The following RIN2 variants were observed in gnomAD, a reference collection of about 807,000 sequenced individuals.
RIN2 encodes RAB5 interacting protein 2.
Under a neutral mutation model 78.0 loss-of-function variants are expected in RIN2, and 36 were observed. That is an observed-to-expected ratio of 0.46 (90% confidence interval 0.35 to 0.61). The LOEUF is 0.61. Ranked by LOEUF, RIN2 falls within the 20% of genes least tolerant of loss-of-function variation. The pLI is 0.00. For missense variants in RIN2, 1,087 were observed against 1,159.7 expected (o/e 0.94, Z 0.91); for synonymous variants, 466 against 466.8 (o/e 1.00, Z 0.02).
At chr20:19,819,357 G>A (rs2035864262) in intron 2 of RIN2, among the ~76,000 whole-genome samples, 4 of 152,086 alleles carry the variant, frequency 2.6e-5, no homozygotes, top group African/African-American at 9.7e-5. Flanking sequence ...CCCATCACAA[G>A]CACCCCACCC....
intron 3 of RIN2, among the ~76,000 whole-genome samples, chr20:19,928,434 C>T (rs1389337446): frequency 2.6e-5 from 4 of 152,250 alleles, no homozygotes; most frequent in Admixed American, 2.6e-4. Context: ...CTTCAGGCCA[C>T]ACCGCCTCGA....
chr20:19,815,983 G>A (rs148016363), intron 2 of RIN2, among the ~76,000 whole-genome samples: 1 of 152,304 alleles, frequency 6.6e-6, no homozygotes, highest in East Asian at 1.9e-4. Flanking sequence ...CGTCTTCTTT[G>A]GTTAAGAAGA....
At chr20:19,827,032 G>C (rs1248100783) in intron 2 of RIN2, among the ~76,000 whole-genome samples, 3 of 143,588 alleles carry the variant, frequency 2.1e-5, no homozygotes, top group Non-Finnish European at 4.5e-5. Flanking sequence ...CTGGAGTACA[G>C]TGGTGCAATC....
intron 12 of RIN2, among the ~76,000 whole-genome samples, chr20:19,999,468 C>T (rs138001402): frequency 6.6e-6 from 1 of 152,290 alleles, no homozygotes; most frequent in Non-Finnish European, 1.5e-5. Context: ...TCGTGGTGAC[C>T]TTGCAGGCAC....
intron 2 of RIN2, among the ~76,000 whole-genome samples, chr20:19,866,831 A>C (rs752073191): frequency 3.3e-5 from 5 of 151,784 alleles, no homozygotes; most frequent in Non-Finnish European, 7.4e-5. Context: ...CACTATGTTG[A>C]CCAGGCTGAT....
intron 3 of RIN2, among the ~76,000 whole-genome samples, chr20:19,910,685 T>C (rs530174615): frequency 2.6e-5 from 4 of 151,442 alleles, no homozygotes; most frequent in African/African-American, 9.7e-5. Context: ...TCTCCTGCCA[T>C]AGCCTCCCAC....
chr20:19,925,534 A>G (rs1313698870), intron 3 of RIN2, among the ~76,000 whole-genome samples: 1 of 152,232 alleles, frequency 6.6e-6, no homozygotes, highest in East Asian at 1.9e-4. Context: ...CATATCAGAC[A>G]ATGGATTCAT....
chr20:19,891,371 G>A (rs948448801), intron 3 of RIN2, among the ~76,000 whole-genome samples: 21 of 152,228 alleles, frequency 1.4e-4, no homozygotes, highest in African/African-American at 4.6e-4. Context: ...ATTTCCCCCT[G>A]TTAAGAGGGA....
chr20:19,874,061 G>GGT (rs60818960), intron 2 of RIN2, among the ~76,000 whole-genome samples: 2,154 of 150,020 alleles, frequency 0.014, 32 homozygotes, highest in African/African-American at 0.046. Flanking sequence ...TTCACATTTT[G>GGT]GTGTGTGTGT....
chr20:19,836,201 A>AC (rs367896097), intron 2 of RIN2, among the ~76,000 whole-genome samples: 1 of 152,210 alleles, frequency 6.6e-6, no homozygotes, highest in African/African-American at 2.4e-5. Context: ...CACTAGGCAA[A>AC]ATGGGTTACA....
chr20:19,954,701 C>T (rs655774), intron 4 of RIN2, among the ~76,000 whole-genome samples: 13 of 118,044 alleles, frequency 1.1e-4, no homozygotes, highest in South Asian at 2.5e-4. Flanking sequence ...CTGCCCTGTG[C>T]CCCTCACCCC....
chr20:19,924,970 C>A (rs1007741563), intron 3 of RIN2, among the ~76,000 whole-genome samples: 9 of 151,188 alleles, frequency 6.0e-5, no homozygotes, highest in Admixed American at 1.3e-4. Flanking sequence ...AACTCCCGAC[C>A]TCAGGTGATC....
At chr20:19,760,036 T>A (rs1319012612) in intron 1 of RIN2, among the ~76,000 whole-genome samples, 1 of 152,232 alleles carries the variant, frequency 6.6e-6, no homozygotes, top group Non-Finnish European at 1.5e-5. Flanking sequence ...GCAGAGCTTT[T>A]ATTAACTTTT....
At position 19,889,643 on chromosome 20, in the gene RIN2, A is replaced by G; in HGVS notation, c.42A>G (p.Arg14=). The G allele has an allele frequency of 6.6e-7, 1 of 1,522,966 alleles. No homozygotes were observed. Among genetic ancestry groups the G allele is most frequent in the Non-Finnish European group, 8.8e-7 (1 of 1,131,968 alleles). 94.3% of individuals were successfully genotyped at this position (1,522,966 alleles called of 1,614,324 possible). ...WTMGARGLDK[R]GSFFKLIDTI... ...TGGGCGCCCGCGGTCTGGACAAGCG[A>G]GGAAGTTTCTTTAAGGTAAAAGGAA... is the stretch of plus-strand genomic sequence containing the variant. The change falls in exon 3 of 13, where the codon CGA becomes CGG. Residue 14 remains arginine (R), a synonymous_variant. Transcript: ENST00000255006.
chr20:19,857,206 T>C (rs1388355602), intron 2 of RIN2, among the ~76,000 whole-genome samples: 1 of 152,192 alleles, frequency 6.6e-6, no homozygotes, highest in East Asian at 1.9e-4. Context: ...GTTATTGATC[T>C]CCATATATAT....
intron 3 of RIN2, among the ~76,000 whole-genome samples, chr20:19,925,995 A>G (rs1460692586): frequency 1.3e-5 from 2 of 152,252 alleles, no homozygotes; most frequent in East Asian, 1.9e-4. Flanking sequence ...GTATATCCCT[A>G]TGGTGGAAAA....
intron 4 of RIN2, among the ~76,000 whole-genome samples, chr20:19,951,004 C>T (rs1413733135): frequency 1.3e-5 from 2 of 152,048 alleles, no homozygotes; most frequent in African/African-American, 2.4e-5. Context: ...ATCCTCCCGC[C>T]TCAGACTCTT....
At chr20:19,934,396 G>T (rs2040553118) in intron 3 of RIN2, 3 of 838,196 alleles carry the variant, frequency 3.6e-6, no homozygotes, top group African/African-American at 1.8e-5. Flanking sequence ...GAGGGTGAAA[G>T]ATTTTAGACC....
intron 7 of RIN2, among the ~76,000 whole-genome samples, chr20:19,966,780 G>A (rs1311639606): frequency 6.6e-6 from 1 of 152,164 alleles, no homozygotes; most frequent in Non-Finnish European, 1.5e-5. Flanking sequence ...ACTAGTACCT[G>A]GGGGCACCTC....
Sources: allele counts gnomAD v4.1 joint callset (sites outside exome capture counted in the v4.1 genomes callset), GRCh38; gene constraint gnomAD v4.1.1; transcripts MANE v1.5; gene names NCBI Gene and HGNC (gene_info 2026-07-23, HGNC 2026-07-21).